The following HEMK2 variants were observed in gnomAD, a reference collection of about 807,000 sequenced individuals.
HEMK2 encodes HemK methyltransferase 2, ETF1 glutamine and histone H4 lysine, also known as methyltransferase HEMK2.
chr21:28,634,166 G>A, the HEMK2 span, among the ~76,000 whole-genome samples: 1 of 152,184 alleles, frequency 6.6e-6, no homozygotes, highest in African/African-American at 2.4e-5. Context: ...TCCAAGCAGA[G>A]AGTTGGTCTT....
At chr21:28,629,116 G>A in the HEMK2 span, among the ~76,000 whole-genome samples, 11 of 152,252 alleles carry the variant, frequency 7.2e-5, no homozygotes, top group South Asian at 1.7e-3. Context: ...TTAAGATCAC[G>A]CAAGTCTGGG....
the HEMK2 span, among the ~76,000 whole-genome samples, chr21:28,851,595 A>G: frequency 2.6e-4 from 39 of 152,316 alleles, no homozygotes; most frequent in African/African-American, 9.1e-4. Flanking sequence ...AATTTTGCTG[A>G]GGTAGAAAGT....
the HEMK2 span, among the ~76,000 whole-genome samples, chr21:28,615,220 C>T: frequency 0.012 from 1,853 of 152,138 alleles, 37 homozygotes; most frequent in African/African-American, 0.04. Flanking sequence ...AGCAGGAAGA[C>T]GCAGGGAGTA....
the HEMK2 span, among the ~76,000 whole-genome samples, chr21:28,586,238 A>G: frequency 6.6e-6 from 1 of 152,246 alleles, no homozygotes; most frequent in Non-Finnish European, 1.5e-5. Flanking sequence ...GTGAATAAAA[A>G]GGCTAAAATT....
chr21:28,692,534 T>C, the HEMK2 span, among the ~76,000 whole-genome samples: 1 of 152,222 alleles, frequency 6.6e-6, no homozygotes, highest in Admixed American at 6.5e-5. Context: ...AAAAACACTA[T>C]AAAACTAACC....
the HEMK2 span, among the ~76,000 whole-genome samples, chr21:28,749,995 A>G: frequency 3.9e-5 from 6 of 152,224 alleles, no homozygotes; most frequent in African/African-American, 1.2e-4. Context: ...TGCTATTTTC[A>G]CCAATCTAAT....
chr21:28,587,910 G>A, the HEMK2 span, among the ~76,000 whole-genome samples: 1 of 152,222 alleles, frequency 6.6e-6, no homozygotes, highest in Non-Finnish European at 1.5e-5. Context: ...TCCACATGCA[G>A]ATATATGCAG....
the HEMK2 span, among the ~76,000 whole-genome samples, chr21:28,822,303 G>A: frequency 1.3e-5 from 2 of 152,062 alleles, no homozygotes; most frequent in African/African-American, 4.8e-5. Flanking sequence ...ATTCCAAATT[G>A]AGCAGAATAT....
At chr21:28,638,830 T>C in the HEMK2 span, among the ~76,000 whole-genome samples, 2 of 152,172 alleles carry the variant, frequency 1.3e-5, no homozygotes, top group African/African-American at 2.4e-5. Flanking sequence ...TAGCTTGAGC[T>C]CACTCACATG....
the HEMK2 span, among the ~76,000 whole-genome samples, chr21:28,831,602 AGAAG>A: frequency 1.2e-5 from 1 of 83,918 alleles, no homozygotes; most frequent in African/African-American, 7.7e-5. Flanking sequence ...AAAGAAGGAA[AGAAG>A]GAAAGAAGGA....
At chr21:28,599,793 CAG>C in the HEMK2 span, among the ~76,000 whole-genome samples, 6 of 152,194 alleles carry the variant, frequency 3.9e-5, no homozygotes, top group Non-Finnish European at 8.8e-5. Flanking sequence ...AATGGGGGTA[CAG>C]GCATTGGATA....
At chr21:28,778,714 A>G in the HEMK2 span, among the ~76,000 whole-genome samples, 1 of 152,202 alleles carries the variant, frequency 6.6e-6, no homozygotes, top group African/African-American at 2.4e-5. Context: ...GCCGTCTTAT[A>G]TCTTCTTCAT....
chr21:28,827,167 T>C, the HEMK2 span, among the ~76,000 whole-genome samples: 2 of 152,200 alleles, frequency 1.3e-5, no homozygotes, highest in African/African-American at 4.8e-5. Context: ...AACTGCTTTA[T>C]AGGTATTTGT....
the HEMK2 span, among the ~76,000 whole-genome samples, chr21:28,831,542 G>GGAAGGAAA: frequency 2.8e-4 from 16 of 58,166 alleles, no homozygotes; most frequent in Non-Finnish European, 4.5e-4. Context: ...AAGGAAAGAA[G>GGAAGGAAA]GAAAGAAGGA....
chr21:28,695,886 G>A, the HEMK2 span, among the ~76,000 whole-genome samples: 1 of 152,056 alleles, frequency 6.6e-6, no homozygotes, highest in African/African-American at 2.4e-5. Context: ...AAAATCAAAA[G>A]CAAGTTAATT....
chr21:28,838,972 A>AAAAAATATATATATATATATATAT, the HEMK2 span, among the ~76,000 whole-genome samples: 1 of 29,156 alleles, frequency 3.4e-5, no homozygotes, highest in Non-Finnish European at 5.6e-5. Flanking sequence ...AAAAAAAAAA[A>AAAAAATATATATATATATATATAT]ATATATATAT....
the HEMK2 span, among the ~76,000 whole-genome samples, chr21:28,706,180 G>GA: frequency 6.6e-6 from 1 of 152,144 alleles, no homozygotes; most frequent in Non-Finnish European, 1.5e-5. Flanking sequence ...GTAACTCTAA[G>GA]TTCTCGTAAG....
At chr21:28,660,067 T>C in the HEMK2 span, among the ~76,000 whole-genome samples, 2 of 152,010 alleles carry the variant, frequency 1.3e-5, no homozygotes, top group South Asian at 4.1e-4. Flanking sequence ...AGTATTTTTA[T>C]ATTATTGTTC....
the HEMK2 span, among the ~76,000 whole-genome samples, chr21:28,701,559 T>TAC: frequency 0.15 from 6,853 of 45,688 alleles, 173 homozygotes; most frequent in African/African-American, 0.17. Flanking sequence ...CACACACACA[T>TAC]ACACACACAC....
Sources: allele counts gnomAD v4.1 joint callset (sites outside exome capture counted in the v4.1 genomes callset), GRCh38; gene constraint gnomAD v4.1.1; transcripts MANE v1.5; gene names NCBI Gene and HGNC (gene_info 2026-07-23, HGNC 2026-07-21).